VGLL4: variants seen among roughly 807,000 people sequenced by gnomAD.
VGLL4 encodes the protein vestigial like family member 4.
A neutral mutation model predicts 21.0 loss-of-function variants in VGLL4; 7 were observed. That is an observed-to-expected ratio of 0.33 (90% CI 0.19 to 0.63). The LOEUF is 0.63. Ranked by LOEUF, VGLL4 falls within the 20% of genes least tolerant of loss-of-function variation. VGLL4 has a pLI of 0.78. For synonymous variants in VGLL4, 222 were observed against 173.2 expected (o/e 1.28, Z -2.21); for missense variants, 394 against 425.7 (o/e 0.93, Z 0.66).
chr3:11,716,760 T>A (rs1034315876), intron 1 of VGLL4, among the ~76,000 whole-genome samples: 1 of 152,160 alleles, frequency 6.6e-6, no homozygotes. Context: ...AAATCTTGCA[T>A]CAAGATTTTG....
intron 2 of VGLL4, among the ~76,000 whole-genome samples, chr3:11,695,775 A>G (rs1430074640): frequency 1.3e-5 from 2 of 152,090 alleles, no homozygotes; most frequent in Non-Finnish European, 2.9e-5. Context: ...GCAGCGAGCC[A>G]CTCTTATGGA....
chr3:11,712,220 A>G (rs897701522), intron 1 of VGLL4, among the ~76,000 whole-genome samples: 1 of 152,180 alleles, frequency 6.6e-6, no homozygotes, highest in East Asian at 1.9e-4. Flanking sequence ...CAATCCCTGA[A>G]AGCCTATTTT....
intron 1 of VGLL4, among the ~76,000 whole-genome samples, chr3:11,633,857 T>A (rs56339019): frequency 2.1e-3 from 315 of 152,116 alleles, no homozygotes; most frequent in African/African-American, 7.1e-3. Context: ...TGAGCGAACA[T>A]GGAAAGTAAG....
At position 11,600,775 on chromosome 3, in the gene VGLL4, T is replaced by C. The variant is rs1270117479; in HGVS notation, c.272+1058A>G. Among the ~76,000 whole-genome samples the C allele has an allele frequency of 2.0e-5, 3 of 152,188 alleles. No homozygotes were observed. In the East Asian group the frequency reaches 5.8e-4, roughly 29 times the overall value. The stretch of plus-strand genomic sequence containing the variant: ...AGGAGCCCTCACAGGAAGGTATTCC[T>C]GTGGGGAAAAAGCAGTGCCCTCAGG... On this transcript the variant is annotated intron_variant, in intron 2 of 4. Coordinates refer to ENST00000430365, the MANE Select transcript of VGLL4 (RefSeq NM_001128219.3).
At chr3:11,577,337 G>T (rs2014275) in intron 2 of VGLL4, among the ~76,000 whole-genome samples, 1 of 152,222 alleles carries the variant, frequency 6.6e-6, no homozygotes, top group South Asian at 2.1e-4. Flanking sequence ...GGTGGCTCAC[G>T]CCTGTAATCT....
At chr3:11,705,532 C>T (rs1296139065) in intron 1 of VGLL4, among the ~76,000 whole-genome samples, 3 of 152,292 alleles carry the variant, frequency 2.0e-5, no homozygotes, top group East Asian at 3.9e-4. Context: ...TTTGTAAAAA[C>T]AGAAAAGACC....
intron 2 of VGLL4, among the ~76,000 whole-genome samples, chr3:11,661,438 T>G (rs1472294987): frequency 6.8e-6 from 1 of 147,664 alleles, no homozygotes; most frequent in Non-Finnish European, 1.5e-5. Flanking sequence ...TTTTTCCTTT[T>G]ATTTATTTAT....
At position 11,556,301 on chromosome 3, in the gene VGLL4, TTGGTTTTC is replaced by T. The variant is rs1442450689; in HGVS notation, c.*2247_*2254del. 6.6e-6 allele frequency: 1 copy of T among 152,600 alleles called. No individual in the cohort carries two copies. 9.5% of individuals were successfully genotyped at this position (152,600 alleles called of 1,614,324 possible). A position where few individuals can be genotyped will look rare whatever the true frequency, so the allele number is the denominator to read the frequency against. Reference sequence around the variant, plus strand: ...GGAGGGGGCTTTCTCAGTGAAATGTTTGGTTTTCTGCTGCCTCCTCTGCCCCAGGCCCC... The same window carrying T: ...GGAGGGGGCTTTCTCAGTGAAATGTTTGCTGCCTCCTCTGCCCCAGGCCCC... On this transcript the variant is annotated 3_prime_UTR_variant, in exon 5 of 5. Transcript: ENST00000430365.
At chr3:11,597,730 T>C (rs192458327) in intron 2 of VGLL4, among the ~76,000 whole-genome samples, 2 of 152,258 alleles carry the variant, frequency 1.3e-5, no homozygotes, top group Admixed American at 6.5e-5. Flanking sequence ...GGAGATGGAT[T>C]TGCCCCATCT....
chr3:11,626,460 T>C, intron 1 of VGLL4: 1 of 453,890 alleles, frequency 2.2e-6, no homozygotes, highest in South Asian at 1.6e-5. Context: ...AACTAAGTTG[T>C]TTTGGTTTTT....
At chr3:11,695,421 C>G (rs929879850) in intron 2 of VGLL4, among the ~76,000 whole-genome samples, 1 of 152,050 alleles carries the variant, frequency 6.6e-6, no homozygotes, top group African/African-American at 2.4e-5. Context: ...TGGCCACTTA[C>G]TCTCATATAG....
rs966085664 is a variant in VGLL4 at position 11,556,210 on chromosome 3, A to G, written c.*2346T>C. The G allele has an allele frequency of 6.6e-6, 1 of 152,644 alleles. No homozygotes were observed. The highest frequency in any genetic ancestry group is 2.4e-5 in the African/African-American group (1 of 41,418). 9.5% of individuals were successfully genotyped at this position (152,644 alleles called of 1,614,324 possible). On this transcript the variant is annotated 3_prime_UTR_variant, in exon 5 of 5. Coordinates refer to ENST00000430365, the MANE Select transcript of VGLL4 (RefSeq NM_001128219.3). ...TTACAGATTTACACACATGAAGAGA[A>G]GGTCAGAGCGCACTGCAGGCAGCGC... is the stretch of plus-strand genomic sequence containing the variant.
intron 1 of VGLL4, among the ~76,000 whole-genome samples, chr3:11,607,957 A>G (rs185595433): frequency 1.3e-5 from 2 of 152,336 alleles, no homozygotes; most frequent in African/African-American, 4.8e-5. Context: ...GGCTGTGCAA[A>G]GTACTGTCAC....
intron 2 of VGLL4, among the ~76,000 whole-genome samples, chr3:11,681,340 A>G (rs934894255): frequency 7.9e-5 from 12 of 152,154 alleles, no homozygotes; most frequent in Non-Finnish European, 1.2e-4. Flanking sequence ...CTTGTGATCC[A>G]CCTGCCCCAG....
intron 2 of VGLL4, among the ~76,000 whole-genome samples, chr3:11,661,515 GGCT>G (rs1432315706): frequency 2.0e-5 from 3 of 151,054 alleles, no homozygotes; most frequent in African/African-American, 7.3e-5. Flanking sequence ...CTATTGCCCA[GGCT>G]GGAGTGCAGT....
chr3:11,595,659 A>T (rs1407631326), intron 2 of VGLL4, among the ~76,000 whole-genome samples: 1 of 152,162 alleles, frequency 6.6e-6, no homozygotes, highest in East Asian at 1.9e-4. Flanking sequence ...TGCAGCCATA[A>T]AAAATGATGA....
At chr3:11,562,749 G>C (rs527520236) in intron 3 of VGLL4, among the ~76,000 whole-genome samples, 20 of 152,360 alleles carry the variant, frequency 1.3e-4, no homozygotes, top group African/African-American at 4.8e-4. Context: ...ACCAACCCCA[G>C]CCGAAAATGA....
chr3:11,628,634 C>CA lies in VGLL4; in HGVS notation c.82+14802dup, dbSNP rs542544958. On this transcript the variant is annotated intron_variant, in intron 1 of 4. Transcript: ENST00000430365. ...AGGAGATTGAGACCATCCTAGCTAA[C>CA]ACGGTGAAACCCCGTCTCTACTAAA... 5.0e-3 allele frequency among the ~76,000 whole-genome samples: 761 copies of CA among 151,384 alleles called. 20 individuals carry two copies. The East Asian group carries it at 0.056, about 11-fold the overall frequency.
At chr3:11,717,531 G>A (rs1007749353) in intron 1 of VGLL4, among the ~76,000 whole-genome samples, 5 of 130,270 alleles carry the variant, frequency 3.8e-5, no homozygotes, top group South Asian at 2.4e-4. Context: ...GTTGGGAGCC[G>A]GGAGTCTCTC....
Sources: allele counts gnomAD v4.1 joint callset (sites outside exome capture counted in the v4.1 genomes callset), GRCh38; gene constraint gnomAD v4.1.1; transcripts MANE v1.5; gene names NCBI Gene and HGNC (gene_info 2026-07-23, HGNC 2026-07-21).